PAG1: variants seen among roughly 807,000 people sequenced by gnomAD.
The protein encoded by PAG1 is phosphoprotein membrane anchor with glycosphingolipid microdomains 1.
PAG1 carries 23 observed loss-of-function variants against 31.7 expected under a neutral mutation model. The ratio of observed to expected loss-of-function variants is 0.73; its 90% CI spans 0.52 to 1.03. The LOEUF (loss-of-function observed/expected upper bound fraction) is 1.03, where lower values mean the gene tolerates loss of function less well. PAG1 is among the 50% of genes least tolerant of loss of function. PAG1 has a pLI of 0.00. For missense variants in PAG1, 473 were observed against 540.7 expected (o/e 0.87, Z 1.24); for synonymous variants, 214 against 210.3 (o/e 1.02, Z -0.15).
At chr8:81,008,529 AAT>A (rs1423793084) in intron 3 of PAG1, among the ~76,000 whole-genome samples, 1 of 148,636 alleles carries the variant, frequency 6.7e-6, no homozygotes, top group Non-Finnish European at 1.5e-5. Context: ...TACTACATAT[AAT>A]ATATATAATA....
At chr8:81,056,139 C>T (rs1239522873) in intron 2 of PAG1, among the ~76,000 whole-genome samples, 2 of 152,080 alleles carry the variant, frequency 1.3e-5, no homozygotes, top group Non-Finnish European at 2.9e-5. Flanking sequence ...CCCATCAATA[C>T]CTAATTTGTT....
chr8:81,067,005 A>T (rs929648529), intron 2 of PAG1, among the ~76,000 whole-genome samples: 6 of 151,992 alleles, frequency 3.9e-5, no homozygotes, highest in African/African-American at 1.2e-4. Context: ...TACAAAAAAT[A>T]AAAAAAAGTA....
At chr8:81,068,697 T>C (rs1809047534) in intron 2 of PAG1, among the ~76,000 whole-genome samples, 1 of 152,236 alleles carries the variant, frequency 6.6e-6, no homozygotes, top group Non-Finnish European at 1.5e-5. Context: ...TTGTAGGTAC[T>C]AAAATAAGAT....
intron 2 of PAG1, chr8:81,037,295 AC>A (rs1430563464): frequency 6.6e-6 from 1 of 152,220 alleles, no homozygotes; most frequent in Non-Finnish European, 1.5e-5. Context: ...TATAATACAT[AC>A]ATTGATTTTT....
At chr8:81,048,991 G>A (rs1007649051) in intron 2 of PAG1, among the ~76,000 whole-genome samples, 3 of 152,156 alleles carry the variant, frequency 2.0e-5, no homozygotes, top group African/African-American at 7.2e-5. Flanking sequence ...TCTGGCTAAC[G>A]ATTATGACTT....
intron 2 of PAG1, among the ~76,000 whole-genome samples, chr8:81,062,561 T>C (rs774924983): frequency 1.1e-4 from 17 of 152,226 alleles, no homozygotes; most frequent in Non-Finnish European, 2.5e-4. Flanking sequence ...CACATAAATC[T>C]CAATCTTTTG....
chr8:81,109,832 T>C (rs565611953), intron 1 of PAG1, among the ~76,000 whole-genome samples: 1 of 152,302 alleles, frequency 6.6e-6, no homozygotes, highest in South Asian at 2.1e-4. Context: ...GTTACTTGCC[T>C]AGATTCAAAC....
At chr8:81,106,703 G>C (rs920540014) in intron 1 of PAG1, among the ~76,000 whole-genome samples, 1 of 152,078 alleles carries the variant, frequency 6.6e-6, no homozygotes, top group African/African-American at 2.4e-5. Context: ...ATGAAATCGA[G>C]AAAAAATAGA....
chr8:81,093,881 C>T (rs1809486168), intron 1 of PAG1, among the ~76,000 whole-genome samples: 1 of 152,180 alleles, frequency 6.6e-6, no homozygotes, highest in African/African-American at 2.4e-5. Context: ...AACCAAACGG[C>T]CTGCCTTGCC....
chr8:80,981,862 C>CCTTTT lies in PAG1; in HGVS notation c.877-1369_877-1368insAAAAG, dbSNP rs1554598378. ...TTCTACCTACTCATTATCTCACTTC[C>CCTTTT]TTTTTTTTTTTTTTTTTTTTTTTGA... is the stretch of plus-strand genomic sequence containing the variant. On this transcript the variant is annotated intron_variant, in intron 7 of 8. Transcript: ENST00000220597. 6.7e-3 allele frequency among the ~76,000 whole-genome samples: 692 copies of CCTTTT among 103,460 alleles called. 51 individuals are homozygous for CCTTTT. Among genetic ancestry groups the CCTTTT allele is most frequent in the African/African-American group, 0.032 (634 of 20,046 alleles). The allele number at this position is 103,460 out of a possible 152,430, so 67.9% of individuals were successfully genotyped here. A position where few individuals can be genotyped will look rare whatever the true frequency, so the allele number is the denominator to read the frequency against.
intron 3 of PAG1, among the ~76,000 whole-genome samples, chr8:81,023,282 G>GAAATTTTTGAAATGAC (rs905012109): frequency 2.0e-5 from 3 of 152,078 alleles, no homozygotes; most frequent in African/African-American, 7.2e-5. Flanking sequence ...ACTTGTTTTT[G>GAAATTTTTGAAATGAC]AAATTTTTGA....
intron 1 of PAG1, among the ~76,000 whole-genome samples, chr8:81,082,337 T>G (rs987346845): frequency 7.4e-5 from 10 of 134,240 alleles, no homozygotes; most frequent in South Asian, 4.6e-4. Flanking sequence ...CATTAAAAAA[T>G]AAAAAGAAAA....
chr8:80,988,682 C>T (rs1807475641), intron 5 of PAG1, among the ~76,000 whole-genome samples: 1 of 152,132 alleles, frequency 6.6e-6, no homozygotes. Flanking sequence ...GAACTCCTGG[C>T]CTCAAGCGAT....
chr8:81,099,433 T>C (rs1809576743), intron 1 of PAG1, among the ~76,000 whole-genome samples: 1 of 152,188 alleles, frequency 6.6e-6, no homozygotes. Flanking sequence ...CTCTTACACA[T>C]GTGCTTTACT....
chr8:81,065,927 C>T (rs1338372102), intron 2 of PAG1, among the ~76,000 whole-genome samples: 2 of 151,960 alleles, frequency 1.3e-5, no homozygotes, highest in African/African-American at 2.4e-5. Context: ...CATGGCCTAG[C>T]TACACAGAGA....
intron 1 of PAG1, among the ~76,000 whole-genome samples, chr8:81,071,972 C>T (rs551367229): frequency 1.3e-5 from 2 of 152,294 alleles, no homozygotes; most frequent in East Asian, 3.9e-4. Flanking sequence ...GTCCTCCGTG[C>T]TTCTGCCACC....
intron 1 of PAG1, among the ~76,000 whole-genome samples, chr8:81,090,582 G>T (rs1180863725): frequency 6.6e-6 from 1 of 152,208 alleles, no homozygotes; most frequent in African/African-American, 2.4e-5. Context: ...TTTTGAAAGG[G>T]ATGTAATAGA....
At chr8:80,980,340 CT>C (rs953160067) in intron 8 of PAG1, 94 bp downstream of exon 8, 13 of 721,538 alleles carry the variant, frequency 1.8e-5, no homozygotes, top group Middle Eastern at 2.6e-4. Context: ...AATATTTCAG[CT>C]CTTTCAAAGG....
intron 1 of PAG1, among the ~76,000 whole-genome samples, chr8:81,101,818 A>G (rs1809614723): frequency 6.6e-6 from 1 of 152,174 alleles, no homozygotes; most frequent in Non-Finnish European, 1.5e-5. Flanking sequence ...TATCATGTCA[A>G]GTATACACTA....
Sources: allele counts gnomAD v4.1 joint callset (sites outside exome capture counted in the v4.1 genomes callset), GRCh38; gene constraint gnomAD v4.1.1; transcripts MANE v1.5; gene names NCBI Gene and HGNC (gene_info 2026-07-23, HGNC 2026-07-21).